Variants in GIPR observed in about 807,000 individuals in gnomAD.
GIPR encodes gastric inhibitory polypeptide receptor.
In GIPR, 74 loss-of-function variants were observed where a neutral mutation model predicts 62.2. The observed-to-expected ratio is 1.19, with a 90% confidence interval of 0.99 to 1.44. The LOEUF (loss-of-function observed/expected upper bound fraction) is 1.44, where lower values mean the gene tolerates loss of function less well. Among genes scored for constraint, GIPR ranks in the 40% most tolerant of loss-of-function variants. The probability of loss-of-function intolerance (pLI) is 0.00; values close to 1 mark genes in which losing one functional copy is unlikely to be tolerated. For synonymous variants in GIPR, 256 were observed against 262.2 expected, an observed-to-expected ratio of 0.98 and a Z score of 0.23; for missense variants, 664 against 611.8, an observed-to-expected ratio of 1.09 and a Z score of -0.90.
chr19:45,669,513 C>T lies in GIPR; in HGVS notation c.-8C>T. 1 of 1,570,870 alleles carries T rather than the reference C, an allele frequency of 6.4e-7. No individual in the cohort carries two copies. The highest frequency in any genetic ancestry group is 8.6e-7 in the Non-Finnish European group (1 of 1,161,204). ...CCTGCACGAACCAGACCCTTCGCCGCCCTCACGATGACTACCTCTCCGATC... is the reference window on the plus strand; with the variant it reads ...CCTGCACGAACCAGACCCTTCGCCGTCCTCACGATGACTACCTCTCCGATC... On this transcript the variant is annotated 5_prime_UTR_variant, in exon 2 of 14. Coordinates refer to ENST00000590918, the MANE Select transcript of GIPR (RefSeq NM_000164.4).
chr19:45,674,960 T>C, intron 7 of GIPR, 134 bp downstream of exon 7: 1 of 905,766 alleles, frequency 1.1e-6, no homozygotes, highest in Non-Finnish European at 1.8e-6. Context: ...TCCAAATGTG[T>C]CTTGGGGTGG....
At chr19:45,669,299 C>G (rs1975413693) in intron 1 of GIPR, among the ~76,000 whole-genome samples, 178 bp from the exon 2 acceptor site, 1 of 152,212 alleles carries the variant, frequency 6.6e-6, no homozygotes, top group African/African-American at 2.4e-5. Flanking sequence ...CTCCGCGTGC[C>G]TCTCCCTCCC....
At chr19:45,674,034 G>A (rs371495372) in intron 5 of GIPR, 40 bp from the exon 6 acceptor site, 8 of 1,210,790 alleles carry the variant, frequency 6.6e-6, no homozygotes, top group African/African-American at 1.5e-5. Context: ...CTGGGGCTTC[G>A]AGCCAAGCCT....
chr19:45,679,642 G>T (rs1420360833), intron 12 of GIPR, among the ~76,000 whole-genome samples: 2 of 152,000 alleles, frequency 1.3e-5, no homozygotes, highest in African/African-American at 2.4e-5. Context: ...TCCCTCTGTT[G>T]TCCAGGCTGG....
At chr19:45,669,192 CA>C (rs1975405858) in intron 1 of GIPR, among the ~76,000 whole-genome samples, 1 of 152,120 alleles carries the variant, frequency 6.6e-6, no homozygotes, top group South Asian at 2.1e-4. Context: ...GCCCGCTCAG[CA>C]AACACCCCCC....
chr19:45,677,842 G>A (rs369012729), intron 10 of GIPR, 63 bp downstream of exon 10: 3 of 1,594,974 alleles, frequency 1.9e-6, no homozygotes. Flanking sequence ...GAAGTGGGCT[G>A]CCACCTCCTC....
chr19:45,681,152 G>A (rs1280728858), intron 12 of GIPR, among the ~76,000 whole-genome samples: 1 of 151,954 alleles, frequency 6.6e-6, no homozygotes, highest in Non-Finnish European at 1.5e-5. Context: ...CCACGGTGGC[G>A]GTAGCTGAGG....
intron 2 of GIPR, among the ~76,000 whole-genome samples, chr19:45,670,070 A>AC (rs1161828026): frequency 4.0e-5 from 6 of 148,926 alleles, no homozygotes; most frequent in African/African-American, 1.5e-4. Flanking sequence ...TCACTCTGTC[A>AC]CCCAGGCTGA....
intron 4 of GIPR, among the ~76,000 whole-genome samples, chr19:45,671,998 C>T (rs1267664547): frequency 3.1e-5 from 4 of 130,672 alleles, no homozygotes; most frequent in Admixed American, 3.0e-4. Flanking sequence ...AGCTATGTCG[C>T]CTCAGACACT....
intron 12 of GIPR, among the ~76,000 whole-genome samples, chr19:45,678,763 T>G (rs2146099561): frequency 6.6e-6 from 1 of 152,364 alleles, no homozygotes; most frequent in Admixed American, 6.5e-5. Flanking sequence ...CAGTGCTGCC[T>G]GCTAGTGAAG....
chr19:45,670,536 A>T (rs977141486), intron 2 of GIPR, 99 bp from the exon 3 acceptor site: 8 of 764,124 alleles, frequency 1.0e-5, no homozygotes, highest in Admixed American at 2.2e-5. Flanking sequence ...CACGCAACAG[A>T]CCCTCAAAGT....
intron 7 of GIPR, among the ~76,000 whole-genome samples, chr19:45,676,693 T>C (rs952875067): frequency 5.3e-5 from 8 of 151,936 alleles, no homozygotes; most frequent in African/African-American, 1.5e-4. Context: ...CTCGGCCTCC[T>C]AAAGTGCTGG....
chr19:45,669,247 G>A (rs940566277), intron 1 of GIPR, among the ~76,000 whole-genome samples: 2 of 152,128 alleles, frequency 1.3e-5, no homozygotes, highest in African/African-American at 4.8e-5. Context: ...GGAGGCCGGG[G>A]AATCACTTAA....
chr19:45,681,569 A>T (rs202019691), intron 12 of GIPR, 35 bp from the exon 13 acceptor site: 1 of 1,601,928 alleles, frequency 6.2e-7, no homozygotes. Flanking sequence ...TCCTGCCCCC[A>T]CCAGCGATGT....
At position 45,683,393 on chromosome 19, in the gene GIPR, CT is replaced by C. The variant is rs67723452; in HGVS notation, c.*1459del. 0.24 allele frequency: 36,448 copies of C among 152,104 alleles called. 4,601 individuals are homozygous for C. Among genetic ancestry groups the C allele is most frequent in the East Asian group, 0.41 (2,087 of 5,134 alleles). The allele number at this position is 152,104 out of a possible 1,614,324, so 9.4% of individuals were successfully genotyped here. Reference sequence around the variant, plus strand: ...TGCGGAGTGAGGACGCATATCCCCACTGTCCTTAGATGGGTGGCCCCTGGAA... The same window carrying C: ...TGCGGAGTGAGGACGCATATCCCCACGTCCTTAGATGGGTGGCCCCTGGAA... On this transcript the variant is annotated 3_prime_UTR_variant, in exon 14 of 14. Coordinates refer to ENST00000590918, the MANE Select transcript of GIPR (RefSeq NM_000164.4).
At position 45,676,987 on chromosome 19, in the gene GIPR, G is replaced by T; in HGVS notation, c.672G>T (p.Gln224His). ...AACRTAQIVTQYCVGANYTWL... is the reference protein window; with the variant it reads ...AACRTAQIVTHYCVGANYTWL... ...GCCGCACGGCCCAGATCGTGACCCA[G>T]TACTGCGTGGGTGCCAACTACACGT... Residue 224 changes from glutamine to histidine, a missense_variant, in exon 8 of 14, where the codon CAG becomes CAT. Coordinates refer to ENST00000590918, the MANE Select transcript of GIPR (RefSeq NM_000164.4). 2.5e-6 allele frequency: 4 copies of T among 1,614,082 alleles called. No individual in the cohort carries two copies. The highest frequency in any genetic ancestry group is 2.5e-6 in the Non-Finnish European group (3 of 1,179,990).
At chr19:45,674,652 G>C (rs776197214) in intron 6 of GIPR, 30 bp from the exon 7 acceptor site, 2 of 1,612,056 alleles carry the variant, frequency 1.2e-6, no homozygotes, top group South Asian at 2.2e-5. Context: ...CTCTCCAGGG[G>C]CCCCCACACT....
intron 6 of GIPR, 39 bp from the exon 7 acceptor site, chr19:45,674,643 T>G (rs1445479205): frequency 6.2e-7 from 1 of 1,606,760 alleles, no homozygotes; most frequent in Non-Finnish European, 8.5e-7. Context: ...TGAGGACAGC[T>G]CTCCAGGGGC....
chr19:45,671,761 C>T (rs1172158958), intron 4 of GIPR, among the ~76,000 whole-genome samples: 2 of 150,850 alleles, frequency 1.3e-5, no homozygotes, highest in African/African-American at 2.4e-5. Flanking sequence ...ATTACAGGCG[C>T]GCGCCACCAC....
Sources: allele counts gnomAD v4.1 joint callset (sites outside exome capture counted in the v4.1 genomes callset), GRCh38; gene constraint gnomAD v4.1.1; transcripts MANE v1.5; gene names NCBI Gene and HGNC (gene_info 2026-07-23, HGNC 2026-07-21).